ADAMTS16: variants seen among roughly 807,000 people sequenced by gnomAD.
ADAMTS16 encodes A disintegrin and metalloproteinase with thrombospondin motifs 16.
ADAMTS16 carries 94 observed loss-of-function variants against 145.8 expected under a neutral mutation model. The observed-to-expected ratio is 0.64, with a 90% CI of 0.55 to 0.77. The LOEUF is 0.77. ADAMTS16 is among the 30% of genes least tolerant of loss of function. The pLI, the probability that ADAMTS16 is intolerant of heterozygous loss-of-function variation, is 0.00. For missense variants in ADAMTS16, 1,585 were observed against 1,591.5 expected, an observed-to-expected ratio of 1.00 and a Z score of 0.07; for synonymous variants, 659 against 604.3, an observed-to-expected ratio of 1.09 and a Z score of -1.33.
At position 5,306,631 on chromosome 5, in the gene ADAMTS16, T is replaced by C. The variant is rs1488653846; in HGVS notation, c.3314T>C (p.Leu1105Pro). ...CSHLPKPSLE[L>P]ERACAPLPCP... is the part of the protein sequence containing the mutation. ...CATTTGCCGAAGCCCAGCCTGGAGC[T>C]GGAACGTGCCTGCGCCCCGCTTCCA... Residue 1105 changes from leucine (L) to proline (P), a missense_variant, in exon 21 of 23, where the codon CTG (leucine) becomes CCG (proline). Physicochemically the swap from Leu to Pro is moderately conservative, Grantham distance 98. This residue lies in a region of ADAMTS16 where 834 missense variants were observed against 811.7 expected (regional missense o/e 1.03). Coordinates refer to ENST00000274181, the MANE Select transcript of ADAMTS16 (RefSeq NM_139056.4). 2 of 1,614,180 alleles carry C rather than the reference T, an allele frequency of 1.2e-6. No homozygotes were observed. Among genetic ancestry groups the C allele is most frequent in the Non-Finnish European group, 8.5e-7 (1 of 1,180,030 alleles).
At chr5:5,276,149 G>A (rs1381556605) in intron 18 of ADAMTS16, among the ~76,000 whole-genome samples, 1 of 152,168 alleles carries the variant, frequency 6.6e-6, no homozygotes, top group Non-Finnish European at 1.5e-5. Context: ...GTGAGCCACA[G>A]TGCCCGGCCA....
intron 17 of ADAMTS16, among the ~76,000 whole-genome samples, chr5:5,245,204 T>C (rs1369932716): frequency 6.6e-6 from 1 of 152,220 alleles, no homozygotes; most frequent in Non-Finnish European, 1.5e-5. Context: ...GTGTATCCCA[T>C]TGGAGGCTTC....
intron 21 of ADAMTS16, among the ~76,000 whole-genome samples, chr5:5,307,356 C>T (rs1305265298): frequency 1.2e-4 from 19 of 152,172 alleles, no homozygotes; most frequent in African/African-American, 3.9e-4. Flanking sequence ...GGTAGAGAGG[C>T]GCTTCATCTG....
At chr5:5,195,838 A>G (rs188880018) in intron 8 of ADAMTS16, among the ~76,000 whole-genome samples, 1 of 152,312 alleles carries the variant, frequency 6.6e-6, no homozygotes, top group Non-Finnish European at 1.5e-5. Flanking sequence ...AGTTTAAGAG[A>G]AAAGAATAAA....
intron 4 of ADAMTS16, 63 bp from the exon 5 acceptor site, chr5:5,185,989 G>T: frequency 6.9e-7 from 1 of 1,440,360 alleles, no homozygotes; most frequent in East Asian, 2.3e-5. Flanking sequence ...TCTATGACGA[G>T]TTACGGCCCT....
intron 3 of ADAMTS16, among the ~76,000 whole-genome samples, chr5:5,177,211 G>A (rs1051756945): frequency 2.0e-5 from 3 of 152,306 alleles, no homozygotes; most frequent in Non-Finnish European, 2.9e-5. Flanking sequence ...CTCATCACTC[G>A]CAAGATTCAG....
chr5:5,234,118 A>G (rs1298236294), intron 12 of ADAMTS16, among the ~76,000 whole-genome samples: 3 of 152,326 alleles, frequency 2.0e-5, no homozygotes, highest in East Asian at 3.9e-4. Flanking sequence ...TCCCATCTTT[A>G]AAGCATGAGC....
chr5:5,195,178 TA>T (rs112136428), intron 8 of ADAMTS16, among the ~76,000 whole-genome samples: 23,983 of 152,164 alleles, frequency 0.16, 2,070 homozygotes, highest in Middle Eastern at 0.21. Context: ...AGAACTGAGA[TA>T]TGTGTTCTCC....
Position 5,232,323 on chromosome 5 carries a change from C to A in ADAMTS16, c.1702-45C>A, listed in dbSNP as rs753309556. 9 of 1,608,690 alleles carry A rather than the reference C, an allele frequency of 5.6e-6. No individual in the cohort carries two copies. In the South Asian group the frequency reaches 9.9e-5, roughly 18 times the overall value. ...GCAGTGATGAGATGAACCCATCTAT[C>A]CATCTGTGTGAGTCAAGTCAACTTA... On this transcript the variant is annotated intron_variant, in intron 11 of 22. Transcript: ENST00000274181.
chr5:5,244,780 C>T (rs866483079), intron 17 of ADAMTS16, among the ~76,000 whole-genome samples: 1 of 152,174 alleles, frequency 6.6e-6, no homozygotes, highest in East Asian at 1.9e-4. Context: ...TGGCAATGGG[C>T]GTTGCAGTCC....
intron 10 of ADAMTS16, among the ~76,000 whole-genome samples, chr5:5,209,477 G>T (rs936115014): frequency 6.6e-6 from 1 of 152,116 alleles, no homozygotes; most frequent in African/African-American, 2.4e-5. Context: ...GGCCTGTTAG[G>T]TTGGATCTTT....
At chr5:5,177,568 T>C (rs564284079) in intron 3 of ADAMTS16, among the ~76,000 whole-genome samples, 1 of 152,270 alleles carries the variant, frequency 6.6e-6, no homozygotes, top group Non-Finnish European at 1.5e-5. Context: ...TCACATATAA[T>C]CACACAACAA....
chr5:5,259,691 G>T (rs1008828053), intron 17 of ADAMTS16, among the ~76,000 whole-genome samples: 2 of 152,218 alleles, frequency 1.3e-5, no homozygotes, highest in Non-Finnish European at 2.9e-5. Context: ...CAGTAAATCG[G>T]CACTGTACAC....
At position 5,319,316 on chromosome 5, in the gene ADAMTS16, G is replaced by C; in HGVS notation, c.*178G>C. 1 of 595,830 alleles carries C rather than the reference G, an allele frequency of 1.7e-6. No individual in the cohort carries two copies. The highest frequency in any genetic ancestry group is 3.0e-6 in the Non-Finnish European group (1 of 330,832). 36.9% of individuals were successfully genotyped at this position (595,830 alleles called of 1,614,324 possible). A position where few individuals can be genotyped will look rare whatever the true frequency, so the allele number is the denominator to read the frequency against. On this transcript the variant is annotated 3_prime_UTR_variant, in exon 23 of 23. Transcript: ENST00000274181. ...GTGTTTCACTGTGAGCCTGGGTGCA[G>C]ACCTGTGTCCCCATGCACACAGTGT...
intron 3 of ADAMTS16, among the ~76,000 whole-genome samples, chr5:5,165,280 C>G (rs1459980171): frequency 6.6e-6 from 1 of 152,110 alleles, no homozygotes; most frequent in South Asian, 2.1e-4. Flanking sequence ...TCAGTACTTC[C>G]CTCCTTTCCA....
intron 20 of ADAMTS16, among the ~76,000 whole-genome samples, chr5:5,306,126 C>T (rs767703739): frequency 1.3e-5 from 2 of 152,234 alleles, no homozygotes; most frequent in Non-Finnish European, 2.9e-5. Flanking sequence ...AACATCACTG[C>T]ATTTGCGTGG....
At chr5:5,150,842 C>T (rs1358685088) in intron 3 of ADAMTS16, among the ~76,000 whole-genome samples, 1 of 152,212 alleles carries the variant, frequency 6.6e-6, no homozygotes, top group Non-Finnish European at 1.5e-5. Context: ...TGCTTTCTGA[C>T]TTCCATTGTT....
At chr5:5,228,756 A>G (rs1232910338) in intron 11 of ADAMTS16, among the ~76,000 whole-genome samples, 1 of 152,206 alleles carries the variant, frequency 6.6e-6, no homozygotes, top group Non-Finnish European at 1.5e-5. Context: ...CTTAGAAGCA[A>G]AATTTATTCA....
intron 21 of ADAMTS16, among the ~76,000 whole-genome samples, chr5:5,311,316 AACAAAAAAAC>A (rs1740423950): frequency 1.9e-4 from 18 of 94,078 alleles, no homozygotes; most frequent in African/African-American, 6.3e-4. Context: ...AAAAAAAAAA[AACAAAAAAAC>A]AAAAAAACAT....
Sources: gnomAD v4.1 joint callset for allele counts (sites outside exome capture counted in the v4.1 genomes callset) on GRCh38, gnomAD v4.1.1 for gene constraint, gnomAD v4.1.1 regional missense constraint, MANE v1.5 for transcripts, NCBI Gene and HGNC (gene_info 2026-07-23, HGNC 2026-07-21) for gene names.